ZNF827: variants seen among roughly 807,000 people sequenced by gnomAD.
ZNF827 encodes zinc finger protein 827.
A neutral mutation model predicts 102.4 loss-of-function variants in ZNF827; 13 were observed. That is an observed-to-expected ratio of 0.13 (90% CI 0.08 to 0.20). The LOEUF is 0.20. Among genes scored for constraint, ZNF827 ranks in the 10% least tolerant of loss-of-function variants. The pLI, the probability that ZNF827 is intolerant of heterozygous loss-of-function variation, is 1.00. For missense variants in ZNF827, 1,103 were observed against 1,344.4 expected, an observed-to-expected ratio of 0.82 and a Z score of 2.81; for synonymous variants, 523 against 536.2, an observed-to-expected ratio of 0.98 and a Z score of 0.34.
intron 5 of ZNF827, among the ~76,000 whole-genome samples, chr4:145,850,805 T>G (rs557540821): frequency 1.3e-5 from 2 of 152,102 alleles, no homozygotes; most frequent in African/African-American, 4.8e-5. Flanking sequence ...GACAGACAGA[T>G]AGAGTAGTGG....
At position 145,938,466 on chromosome 4, in the gene ZNF827, G is replaced by C; in HGVS notation, c.-59C>G. ...AATGTGAGATCAAATAAACCCCCGT[G>C]GGGGCAGAGAGGCAGACACTGGCAG... is the stretch of plus-strand genomic sequence containing the variant. On this transcript the variant is annotated 5_prime_UTR_variant, in exon 1 of 15. Coordinates refer to ENST00000508784, the MANE Select transcript of ZNF827 (RefSeq NM_001306215.2). The C allele has an allele frequency of 1.3e-6, 2 of 1,512,566 alleles. No homozygotes were observed. The highest frequency in any genetic ancestry group is 1.8e-6 in the Non-Finnish European group (2 of 1,113,026). The allele number at this position is 1,512,566 out of a possible 1,614,324, so 93.7% of individuals were successfully genotyped here. A position where few individuals can be genotyped will look rare whatever the true frequency, so the allele number is the denominator to read the frequency against.
chr4:145,900,686 A>G (rs1410604743), intron 2 of ZNF827, among the ~76,000 whole-genome samples: 1 of 152,162 alleles, frequency 6.6e-6, no homozygotes, highest in Non-Finnish European at 1.5e-5. Context: ...CTAGGATTAC[A>G]GGTGTGAGCC....
intron 2 of ZNF827, among the ~76,000 whole-genome samples, chr4:145,893,867 C>T (rs1209991166): frequency 1.3e-5 from 2 of 151,846 alleles, no homozygotes; most frequent in Non-Finnish European, 2.9e-5. Flanking sequence ...AGACAAACGA[C>T]CCAGTTTCTT....
intron 4 of ZNF827, among the ~76,000 whole-genome samples, chr4:145,882,154 C>T (rs1332763902): frequency 2.0e-5 from 3 of 152,160 alleles, no homozygotes; most frequent in African/African-American, 7.2e-5. Flanking sequence ...ACACCTTTTC[C>T]CTGAACACCC....
chr4:145,774,701 G>A (rs751895995), intron 10 of ZNF827, 29 bp from the exon 11 acceptor site: 3 of 1,603,838 alleles, frequency 1.9e-6, no homozygotes, highest in Non-Finnish European at 8.5e-7. Flanking sequence ...GAAAAGAGGG[G>A]GAGAGAAAAG....
At chr4:145,819,524 C>T (rs185198502) in intron 8 of ZNF827, among the ~76,000 whole-genome samples, 63 of 152,266 alleles carry the variant, frequency 4.1e-4, no homozygotes, top group African/African-American at 1.4e-3. Context: ...CACCTGACCT[C>T]GGAATCTTTC....
At chr4:145,774,219 T>C (rs1736691655) in intron 11 of ZNF827, among the ~76,000 whole-genome samples, 1 of 152,078 alleles carries the variant, frequency 6.6e-6, no homozygotes, top group East Asian at 1.9e-4. Context: ...GACTGTCACA[T>C]ATGGTGATGA....
At chr4:145,856,334 ATATGCTTC>A (rs1747104262) in intron 5 of ZNF827, among the ~76,000 whole-genome samples, 2 of 152,104 alleles carry the variant, frequency 1.3e-5, no homozygotes, top group Non-Finnish European at 2.9e-5. Context: ...TCGGCTTATT[ATATGCTTC>A]TTCTCCATGG....
intron 7 of ZNF827, among the ~76,000 whole-genome samples, chr4:145,833,471 C>T (rs1040663037): frequency 3.3e-5 from 5 of 152,118 alleles, no homozygotes; most frequent in Non-Finnish European, 7.4e-5. Flanking sequence ...GTGGCAAGTC[C>T]CGCTTTCCTG....
chr4:145,845,505 T>A (rs1204876582), intron 7 of ZNF827, among the ~76,000 whole-genome samples: 1 of 152,212 alleles, frequency 6.6e-6, no homozygotes, highest in Non-Finnish European at 1.5e-5. Context: ...AAATTTGGGA[T>A]ATCCTTGGTG....
At position 145,870,302 on chromosome 4, in the gene ZNF827, C is replaced by A; in HGVS notation, c.1924G>T (p.Val642Leu). Residue 642 changes from valine (V) to leucine (L), a missense_variant, in exon 5 of 15, where the codon GTG (valine) becomes TTG (leucine). Val to Leu is a conservative substitution (Grantham distance 32). Transcript: ENST00000508784. ...ALKPQEGKGSVLRRDVSVKAA... is the reference protein window; with the variant it reads ...ALKPQEGKGSLLRRDVSVKAA... ...TTGACTGACACATCCCGCCTTAGCA[C>A]ACTTCCCTTCCCTTCCTGGGGCTTT... The A allele has an allele frequency of 6.2e-7, 1 of 1,614,174 alleles. No homozygotes were observed. The highest frequency in any genetic ancestry group is 8.5e-7 in the Non-Finnish European group (1 of 1,180,008).
intron 1 of ZNF827, among the ~76,000 whole-genome samples, chr4:145,922,689 A>G (rs1336650076): frequency 6.6e-6 from 1 of 152,256 alleles, no homozygotes; most frequent in Admixed American, 6.5e-5. Context: ...GGAAAAGGAC[A>G]TGTGTGACTG....
intron 8 of ZNF827, among the ~76,000 whole-genome samples, chr4:145,786,054 A>G (rs1333396238): frequency 9.2e-5 from 14 of 152,186 alleles, no homozygotes; most frequent in Admixed American, 9.2e-4. Flanking sequence ...TGAGGTAAAC[A>G]TGGTATTACT....
chr4:145,930,279 A>T (rs556493332), intron 1 of ZNF827, among the ~76,000 whole-genome samples: 33 of 152,314 alleles, frequency 2.2e-4, no homozygotes, highest in Middle Eastern at 3.4e-3. Flanking sequence ...CATGTAAAAG[A>T]TCATTTTTTC....
intron 8 of ZNF827, among the ~76,000 whole-genome samples, chr4:145,805,410 T>C (rs1222683785): frequency 1.3e-5 from 2 of 152,070 alleles, no homozygotes; most frequent in African/African-American, 4.8e-5. Flanking sequence ...TGTAACAAAA[T>C]AGAATCCCTC....
intron 8 of ZNF827, among the ~76,000 whole-genome samples, chr4:145,814,049 G>A (rs998959455): frequency 2.6e-5 from 4 of 152,092 alleles, no homozygotes; most frequent in African/African-American, 9.7e-5. Context: ...TCCCAAATCC[G>A]GAAACCCCAA....
chr4:145,803,760 TC>T (rs1044707607), intron 8 of ZNF827, among the ~76,000 whole-genome samples: 33 of 152,302 alleles, frequency 2.2e-4, no homozygotes, highest in African/African-American at 7.9e-4. Context: ...AGTAATGATT[TC>T]CCAAAGGCCA....
chr4:145,767,266 G>C, intron 11 of ZNF827, among the ~76,000 whole-genome samples: 1 of 152,192 alleles, frequency 6.6e-6, no homozygotes, highest in Non-Finnish European at 1.5e-5. Flanking sequence ...ATTACCAGCA[G>C]TAATCCCATT....
intron 1 of ZNF827, among the ~76,000 whole-genome samples, chr4:145,923,450 TAA>T (rs70956881): frequency 2.1e-4 from 28 of 130,738 alleles, no homozygotes; most frequent in East Asian, 4.5e-4. Context: ...ATTACAAATG[TAA>T]AAAAAAAAAA....
Sources: allele counts gnomAD v4.1 joint callset (sites outside exome capture counted in the v4.1 genomes callset), GRCh38; gene constraint gnomAD v4.1.1; transcripts MANE v1.5; gene names NCBI Gene and HGNC (gene_info 2026-07-23, HGNC 2026-07-21).